SRGAP2B: variants seen among roughly 807,000 people sequenced by gnomAD.
SRGAP2B encodes the protein SLIT-ROBO Rho GTPase-activating protein 2B.
A neutral mutation model predicts 22.2 loss-of-function variants in SRGAP2B; 9 were observed. That is an observed-to-expected ratio of 0.41 (90% confidence interval 0.24 to 0.71). The LOEUF (loss-of-function observed/expected upper bound fraction) is 0.71, where lower values mean the gene tolerates loss of function less well. Among genes scored for constraint, SRGAP2B ranks in the 30% least tolerant of loss-of-function variants. The probability of loss-of-function intolerance (pLI) is 0.35; values close to 1 mark genes in which losing one functional copy is unlikely to be tolerated. For synonymous variants in SRGAP2B, 36 were observed against 87.4 expected (o/e 0.41, Z 3.28); for missense variants, 114 against 235.8 (o/e 0.48, Z 3.38).
chr1:144,937,353 A>G (rs1665722290), intron 4 of SRGAP2B, among the ~76,000 whole-genome samples: 1 of 142,928 alleles, frequency 7.0e-6, no homozygotes, highest in Admixed American at 6.9e-5. Context: ...AGGATTCACA[A>G]GAAGGTAATG....
At position 144,984,370 on chromosome 1, in the gene SRGAP2B, A is replaced by C. The variant is rs1402114239; in HGVS notation, c.260+10638T>G. 3.8e-4 allele frequency among the ~76,000 whole-genome samples: 56 copies of C among 146,398 alleles called. 1 individual carries two copies. Among genetic ancestry groups the C allele is most frequent in the Middle Eastern group, 3.5e-3 (1 of 286 alleles). On this transcript the variant is annotated intron_variant, in intron 3 of 9. Transcript: ENST00000612199. ...AACAACAACAACAACAACAACAAAA[A>C]AAAAAAAACAAAAAAGCCCCTCTCT...
chr1:144,984,211 T>A (rs1669524981), intron 3 of SRGAP2B, among the ~76,000 whole-genome samples: 1 of 150,018 alleles, frequency 6.7e-6, no homozygotes, highest in South Asian at 2.1e-4. Flanking sequence ...TCCCAGCTAC[T>A]CGGGAGGCTG....
At chr1:145,087,984 C>T (rs79646977) in intron 2 of SRGAP2B, among the ~76,000 whole-genome samples, 1,554 of 125,512 alleles carry the variant, frequency 0.012, 5 homozygotes, top group African/African-American at 0.031. Flanking sequence ...TTTTTTGTTG[C>T]TGTTTTTTCC....
intron 5 of SRGAP2B, among the ~76,000 whole-genome samples, chr1:144,907,208 TTAA>T (rs1382899603): frequency 1.3e-5 from 2 of 150,702 alleles, no homozygotes; most frequent in Non-Finnish European, 3.0e-5. Context: ...AATATTATTA[TTAA>T]TATCTACCAC....
At chr1:144,967,570 A>C (rs200364309) in intron 3 of SRGAP2B, among the ~76,000 whole-genome samples, 3 of 147,982 alleles carry the variant, frequency 2.0e-5, no homozygotes, top group South Asian at 2.1e-4. Flanking sequence ...CCTAACATCA[A>C]AATTAAAAGA....
At chr1:144,978,942 T>C (rs1669094560) in intron 3 of SRGAP2B, among the ~76,000 whole-genome samples, 2 of 150,980 alleles carry the variant, frequency 1.3e-5, no homozygotes, top group Non-Finnish European at 2.9e-5. Flanking sequence ...ATCATCTGGC[T>C]GGAAACTTGG....
chr1:145,012,345 C>T (rs1417479603), intron 2 of SRGAP2B, among the ~76,000 whole-genome samples: 3 of 149,536 alleles, frequency 2.0e-5, no homozygotes, highest in African/African-American at 7.6e-5. Context: ...CAATTTATTG[C>T]TGGCTTCTTT....
chr1:145,036,076 C>A (rs1311249277), intron 2 of SRGAP2B, among the ~76,000 whole-genome samples: 1 of 138,746 alleles, frequency 7.2e-6, no homozygotes, highest in African/African-American at 2.9e-5. Context: ...GACACAACCA[C>A]CCATTACCAA....
exon 4 of SRGAP2B, chr1:144,955,505 G>T (rs782248600): frequency 8.7e-7 from 1 of 1,144,314 alleles, no homozygotes. Flanking sequence ...TATTCAGGTA[G>T]ATGTCACTCA....
chr1:144,907,099 A>T (rs1275096749), intron 5 of SRGAP2B, among the ~76,000 whole-genome samples: 4 of 148,090 alleles, frequency 2.7e-5, no homozygotes, highest in Non-Finnish European at 5.9e-5. Flanking sequence ...GATTTCTTTG[A>T]GAGGGAGAAT....
intron 4 of SRGAP2B, among the ~76,000 whole-genome samples, chr1:144,927,560 TG>T (rs1432198634): frequency 3.4e-5 from 5 of 147,476 alleles, no homozygotes; most frequent in African/African-American, 1.3e-4. Flanking sequence ...TACCTCTAGC[TG>T]TTTGTATTTT....
intron 4 of SRGAP2B, among the ~76,000 whole-genome samples, chr1:144,941,107 T>A (rs1268875411): frequency 1.4e-5 from 2 of 146,044 alleles, no homozygotes; most frequent in Non-Finnish European, 3.0e-5. Flanking sequence ...ACCCACAATA[T>A]CTTGAAAAAA....
At chr1:144,992,112 C>T (rs1226675623) in intron 3 of SRGAP2B, among the ~76,000 whole-genome samples, 6 of 150,084 alleles carry the variant, frequency 4.0e-5, no homozygotes, top group South Asian at 2.1e-4. Flanking sequence ...CAACTCCAGA[C>T]GCGCTGCCTT....
At chr1:144,966,326 G>C (rs1448402818) in intron 3 of SRGAP2B, among the ~76,000 whole-genome samples, 1 of 149,514 alleles carries the variant, frequency 6.7e-6, no homozygotes, top group Non-Finnish European at 1.5e-5. Flanking sequence ...AAGAGAGTGG[G>C]GGCCAATATT....
intron 4 of SRGAP2B, among the ~76,000 whole-genome samples, chr1:144,951,598 C>T (rs1270904389): frequency 1.3e-5 from 2 of 150,422 alleles, no homozygotes; most frequent in Non-Finnish European, 2.9e-5. Flanking sequence ...ATATAAAGTG[C>T]TTAACACGAT....
chr1:144,991,107 G>A (rs1553617046), intron 3 of SRGAP2B, among the ~76,000 whole-genome samples: 1 of 151,146 alleles, frequency 6.6e-6, no homozygotes, highest in Non-Finnish European at 1.5e-5. Flanking sequence ...AAGCCAACTG[G>A]GCTCCTGAGT....
chr1:144,963,249 AG>A (rs1162943285), intron 3 of SRGAP2B, among the ~76,000 whole-genome samples: 1 of 148,270 alleles, frequency 6.7e-6, no homozygotes, highest in Non-Finnish European at 1.5e-5. Context: ...CATAGAACTA[AG>A]GGCCTAGAAA....
At chr1:144,970,337 G>A (rs587617455) in intron 3 of SRGAP2B, among the ~76,000 whole-genome samples, 2 of 95,872 alleles carry the variant, frequency 2.1e-5, no homozygotes, top group Non-Finnish European at 2.1e-5. Flanking sequence ...ATGAGTTCAT[G>A]TCCTTTGTAG....
At chr1:144,907,754 T>C (rs1261245471) in intron 5 of SRGAP2B, among the ~76,000 whole-genome samples, 2 of 150,510 alleles carry the variant, frequency 1.3e-5, no homozygotes, top group African/African-American at 2.5e-5. Context: ...GGTGCTGACG[T>C]TGAGAAAATC....
Sources: allele counts gnomAD v4.1 joint callset (sites outside exome capture counted in the v4.1 genomes callset), GRCh38; gene constraint gnomAD v4.1.1; transcripts MANE v1.5; gene names NCBI Gene and HGNC (gene_info 2026-07-23, HGNC 2026-07-21).